The following NOX4 variants were observed in gnomAD, a reference collection of about 807,000 sequenced individuals.
NOX4 encodes kidney oxidase-1.
A neutral mutation model predicts 87.6 loss-of-function variants in NOX4; 69 were observed. That is an observed-to-expected ratio of 0.79 (90% confidence interval 0.65 to 0.96). The LOEUF (loss-of-function observed/expected upper bound fraction) is 0.96. NOX4 is among the 40% of genes least tolerant of loss of function. NOX4 has a pLI of 0.00. For missense variants in NOX4, 680 were observed against 681.5 expected, an observed-to-expected ratio of 1.00 and a Z score of 0.02; for synonymous variants, 275 against 238.2, an observed-to-expected ratio of 1.15 and a Z score of -1.42.
At chr11:89,582,260 C>T in the NOX4 span, among the ~76,000 whole-genome samples, 1 of 151,646 alleles carries the variant, frequency 6.6e-6, no homozygotes, top group South Asian at 2.1e-4. Flanking sequence ...CTATATATTC[C>T]ATATTTTCTT....
intron 14 of NOX4, 49 bp downstream of exon 14, chr11:89,342,025 T>C (rs751427194): frequency 2.1e-6 from 3 of 1,447,776 alleles, no homozygotes; most frequent in Non-Finnish European, 2.8e-6. Flanking sequence ...ATATCAGAAA[T>C]ATTGGCAGTT....
At chr11:89,532,744 T>C in the NOX4 span, among the ~76,000 whole-genome samples, 1 of 152,138 alleles carries the variant, frequency 6.6e-6, no homozygotes, top group South Asian at 2.1e-4. Flanking sequence ...CCAAATCTCA[T>C]CTTGAATAGT....
chr11:89,360,828 C>T (rs925301488), intron 12 of NOX4, among the ~76,000 whole-genome samples: 1 of 151,910 alleles, frequency 6.6e-6, no homozygotes, highest in Non-Finnish European at 1.5e-5. Flanking sequence ...AGACATACAA[C>T]AGCTAACAAA....
the NOX4 span, among the ~76,000 whole-genome samples, chr11:89,510,382 A>G: frequency 2.0e-5 from 3 of 152,072 alleles, no homozygotes; most frequent in African/African-American, 7.2e-5. Flanking sequence ...AAAAATATGA[A>G]ACTTACAAAA....
intron 2 of NOX4, among the ~76,000 whole-genome samples, chr11:89,455,242 A>G (rs1945138016): frequency 6.6e-6 from 1 of 151,820 alleles, no homozygotes. Context: ...TTGTGTCATA[A>G]TACCTCAAAC....
chr11:89,344,586 C>T (rs1946134513), intron 13 of NOX4, among the ~76,000 whole-genome samples: 1 of 152,148 alleles, frequency 6.6e-6, no homozygotes, highest in Admixed American at 6.6e-5. Context: ...GCCTGAGACT[C>T]TTACCTCAGA....
At chr11:89,563,292 C>T in the NOX4 span, among the ~76,000 whole-genome samples, 1 of 152,150 alleles carries the variant, frequency 6.6e-6, no homozygotes, top group Non-Finnish European at 1.5e-5. Context: ...GTTAACAACT[C>T]ATAAATACTT....
At chr11:89,434,349 A>G (rs574796014) in intron 6 of NOX4, among the ~76,000 whole-genome samples, 4 of 152,192 alleles carry the variant, frequency 2.6e-5, no homozygotes, top group East Asian at 1.9e-4. Context: ...CCCAGTAGAC[A>G]GTTTTAGAAG....
chr11:89,384,115 G>A (rs1263630808), intron 11 of NOX4, among the ~76,000 whole-genome samples: 1 of 152,076 alleles, frequency 6.6e-6, no homozygotes. Context: ...GTTAGTTCAG[G>A]ATCTGTGCGT....
At chr11:89,441,470 G>A (rs1316650926) in intron 5 of NOX4, among the ~76,000 whole-genome samples, 1 of 152,064 alleles carries the variant, frequency 6.6e-6, no homozygotes, top group African/African-American at 2.4e-5. Context: ...CTGGGGTCAG[G>A]CCAGACTATG....
At chr11:89,405,168 G>A (rs780981083) in intron 8 of NOX4, among the ~76,000 whole-genome samples, 16 of 145,366 alleles carry the variant, frequency 1.1e-4, no homozygotes, top group East Asian at 6.6e-4. Context: ...AATAAATGTC[G>A]TTAATCCCTT....
At chr11:89,452,806 C>T (rs1945024488) in intron 2 of NOX4, among the ~76,000 whole-genome samples, 1 of 152,016 alleles carries the variant, frequency 6.6e-6, no homozygotes. Flanking sequence ...CCCCTTCCTC[C>T]TAGGTTCAAG....
At chr11:89,374,339 G>A (rs1939673374) in intron 11 of NOX4, among the ~76,000 whole-genome samples, 1 of 152,058 alleles carries the variant, frequency 6.6e-6, no homozygotes, top group South Asian at 2.1e-4. Context: ...TTGAGATGCT[G>A]ACTAACATCC....
At chr11:89,480,290 C>G (rs966679051) in intron 2 of NOX4, among the ~76,000 whole-genome samples, 1 of 152,090 alleles carries the variant, frequency 6.6e-6, no homozygotes, top group Non-Finnish European at 1.5e-5. Flanking sequence ...TTCAAACTTT[C>G]CTTAATGATG....
rs1945213286 is a variant in NOX4, at chr11:89,326,124, A to G, written c.*632T>C. On this transcript the variant is annotated 3_prime_UTR_variant, in exon 18 of 18. Coordinates refer to ENST00000263317, the MANE Select transcript of NOX4 (RefSeq NM_016931.5). ...GGAATAAAAAGAAAAAAATATATAA[A>G]AATAGATACTATAACAACATTTGAG... 6.6e-6 allele frequency: 1 copy of G among 151,866 alleles called. No homozygotes were observed. The highest frequency in any genetic ancestry group is 2.1e-4 in the South Asian group (1 of 4,830). The allele number at this position is 151,866 out of a possible 1,614,324, so 9.4% of individuals were successfully genotyped here.
intron 6 of NOX4, among the ~76,000 whole-genome samples, chr11:89,439,507 G>A (rs892239292): frequency 4.6e-5 from 7 of 152,038 alleles, no homozygotes; most frequent in South Asian, 4.1e-4. Context: ...TTATTGTGAC[G>A]TTTCATCATA....
At chr11:89,438,840 TATA>T (rs1944282049) in intron 6 of NOX4, among the ~76,000 whole-genome samples, 1 of 38,238 alleles carries the variant, frequency 2.6e-5, no homozygotes, top group Non-Finnish European at 3.6e-5. Flanking sequence ...TTATATATTA[TATA>T]TATTATATAA....
intron 8 of NOX4, among the ~76,000 whole-genome samples, chr11:89,413,013 G>A (rs1254441911): frequency 6.6e-5 from 10 of 151,920 alleles, no homozygotes; most frequent in Non-Finnish European, 7.4e-5. Flanking sequence ...TTTAAAAATG[G>A]GCACAATATC....
chr11:89,326,743 A>G lies in NOX4; in HGVS notation c.*13T>C. ...CATTCCTTCTTTAGAGTCCTGCTTC[A>G]TGGCAAAAGTTTTCAGCTGAAAGAC... On this transcript the variant is annotated 3_prime_UTR_variant, in exon 18 of 18. Coordinates refer to ENST00000263317, the MANE Select transcript of NOX4 (RefSeq NM_016931.5). The G allele has an allele frequency of 1.9e-6, 3 of 1,611,564 alleles. No homozygotes were observed. The highest frequency in any genetic ancestry group is 2.5e-6 in the Non-Finnish European group (3 of 1,178,674).
Sources: allele counts gnomAD v4.1 joint callset (sites outside exome capture counted in the v4.1 genomes callset), GRCh38; gene constraint gnomAD v4.1.1; transcripts MANE v1.5; gene names NCBI Gene and HGNC (gene_info 2026-07-23, HGNC 2026-07-21).